Variants in CFAP410 observed in about 807,000 individuals in gnomAD.
CFAP410 encodes the protein cilia and flagella associated protein 410.
In CFAP410, 27 loss-of-function variants were observed where a neutral mutation model predicts 25.7. The observed-to-expected ratio is 1.05, with a 90% confidence interval of 0.77 to 1.45. The LOEUF (loss-of-function observed/expected upper bound fraction) is 1.45, where lower values mean the gene tolerates loss of function less well. Ranked by LOEUF, CFAP410 falls within the 40% of genes most tolerant of loss-of-function variation. The probability of loss-of-function intolerance (pLI) is 0.00; values close to 1 mark genes in which losing one functional copy is unlikely to be tolerated. For synonymous variants in CFAP410, 178 were observed against 158.4 expected, an observed-to-expected ratio of 1.12 and a Z score of -0.93; for missense variants, 428 against 354.1, an observed-to-expected ratio of 1.21 and a Z score of -1.67.
intron 5 of CFAP410, 127 bp downstream of exon 5, chr21:44,331,716 C>T (rs532057055): frequency 9.4e-6 from 8 of 849,522 alleles, no homozygotes; most frequent in Non-Finnish European, 1.1e-5. Context: ...AACAGACACT[C>T]CCCCCGGATA....
chr21:44,330,424 C>T (rs750677461), intron 6 of CFAP410, 98 bp from the exon 7 acceptor site: 13 of 1,552,410 alleles, frequency 8.4e-6, no homozygotes, highest in South Asian at 2.4e-5. Flanking sequence ...CACCACGGAG[C>T]GACTGGTCCC....
chr21:44,330,878 C>A lies in CFAP410; in HGVS notation c.587G>T (p.Arg196Leu). The change falls in exon 6 of 7, where the codon CGG (arginine) becomes CTG (leucine). Residue 196 changes from arginine to leucine, a missense_variant. By Grantham distance (102) the Arg-to-Leu change is moderately radical. Transcript: ENST00000339818. ...QDERGLKPPS[R>L]GQFPSLSARD... ...GGCTGAGAGGGAAGGAAACTGGCCC[C>A]GGGAAGGCGGCTTCAGGCCACGTTC... The A allele has an allele frequency of 6.2e-7, 1 of 1,603,536 alleles. No homozygotes were observed. The highest frequency in any genetic ancestry group is 8.5e-7 in the Non-Finnish European group (1 of 1,173,576).
At chr21:44,338,087 T>C in intron 1 of CFAP410, 1 of 330,602 alleles carries the variant, frequency 3.0e-6, no homozygotes, top group Non-Finnish European at 5.6e-6. Context: ...AGGGTTGTTG[T>C]TTCTCCCAGC....
chr21:44,330,562 G>A (rs748118167), intron 6 of CFAP410: 31 of 1,549,260 alleles, frequency 2.0e-5, no homozygotes, highest in South Asian at 7.1e-5. Flanking sequence ...AGCAGGGCCC[G>A]GGCCCACATT....
intron 5 of CFAP410, 64 bp downstream of exon 5, chr21:44,331,778 TC>T (rs758252505): frequency 8.5e-5 from 128 of 1,506,670 alleles, no homozygotes; most frequent in Middle Eastern, 4.7e-4. Flanking sequence ...CCCCATTCAC[TC>T]CCCGTGGGAG....
chr21:44,331,698 T>C (rs1568985828), intron 5 of CFAP410, 145 bp downstream of exon 5: 9 of 739,972 alleles, frequency 1.2e-5, no homozygotes, highest in South Asian at 3.9e-5. Context: ...CCAGAGAATA[T>C]GGATGAGAAC....
chr21:44,335,851 C>T (rs201127621), intron 2 of CFAP410, 47 bp from the exon 3 acceptor site: 54 of 1,412,712 alleles, frequency 3.8e-5, no homozygotes, highest in East Asian at 7.3e-5. Flanking sequence ...AGCAGGGCAT[C>T]GCGGCCGCAC....
At position 44,333,182 on chromosome 21, in the gene CFAP410, G is replaced by A. The variant is rs778987436; in HGVS notation, c.224C>T (p.Pro75Leu). 9.8e-5 allele frequency: 158 copies of A among 1,612,908 alleles called. 3 individuals carry two copies. In the Middle Eastern group the frequency reaches 1.3e-3, roughly 13 times the overall value. ...CAGGTAGAAGAGCTCAGCCAGGCTG[G>A]GGATGCGGTTCCTCCGCAGGTACAG... ...SELYLRRNRI[P>L]SLAELFYLKG... The change falls in exon 4 of 7, where the codon CCC becomes CTC. Residue 75 changes from proline (P) to leucine (L), a missense_variant. Pro to Leu is a moderately conservative substitution (Grantham distance 98). Coordinates refer to ENST00000339818, the MANE Select transcript of CFAP410 (RefSeq NM_004928.3).
chr21:44,339,194 TGGCGGCCGCCCAGGCCCGACC>T lies in CFAP410; in HGVS notation c.-21_-1del. On this transcript the variant is annotated 5_prime_UTR_variant, in exon 1 of 7. Transcript: ENST00000339818. Reference sequence around the variant, plus strand: ...AGAACCATCTTCCGCGTCAGCTTCATGGCGGCCGCCCAGGCCCGACCGGCGGGCGCCCCCGGCCTCCTGATC... The same window carrying T: ...AGAACCATCTTCCGCGTCAGCTTCATGGCGGGCGCCCCCGGCCTCCTGATC... 6.8e-7 allele frequency: 1 copy of T among 1,461,600 alleles called. No individual in the cohort carries two copies. The highest frequency in any genetic ancestry group is 9.1e-7 in the Non-Finnish European group (1 of 1,102,220). The allele number at this position is 1,461,600 out of a possible 1,614,324, so 90.5% of individuals were successfully genotyped here.
chr21:44,335,497 T>TGGGCAGGCGTACAGCA, intron 3 of CFAP410: 1 of 561,080 alleles, frequency 1.8e-6, no homozygotes. Flanking sequence ...AGGCCAAGGG[T>TGGGCAGGCGTACAGCA]GGGCAGGCGT....
At chr21:44,338,141 T>G in intron 1 of CFAP410, 1 of 530,274 alleles carries the variant, frequency 1.9e-6, no homozygotes, top group Non-Finnish European at 2.8e-6. Context: ...AAGAAATGCA[T>G]TATTGAAAGC....
intron 2 of CFAP410, 43 bp from the exon 3 acceptor site, chr21:44,335,847 G>A: frequency 6.7e-7 from 1 of 1,490,872 alleles, no homozygotes. Flanking sequence ...GCACAGCAGG[G>A]CATCGCGGCC....
In CFAP410 at chr21:44,330,173, C is replaced by T. The variant is rs950971137; in HGVS notation, c.*25G>A. 1 of 1,546,704 alleles carries T rather than the reference C, an allele frequency of 6.5e-7. No homozygotes were observed. ...GAAGACGCTGGGGTCCCCGTGGAGGCTGGAGCGGCGTTCAGGTCCTGCGGT... is the reference window on the plus strand; with the variant it reads ...GAAGACGCTGGGGTCCCCGTGGAGGTTGGAGCGGCGTTCAGGTCCTGCGGT... On this transcript the variant is annotated 3_prime_UTR_variant, in exon 7 of 7. Coordinates refer to ENST00000339818, the MANE Select transcript of CFAP410 (RefSeq NM_004928.3).
chr21:44,330,796 C>T (rs758455908), intron 6 of CFAP410, 27 bp downstream of exon 6: 15 of 1,566,854 alleles, frequency 9.6e-6, no homozygotes, highest in Admixed American at 7.5e-5. Flanking sequence ...CAGAGGCAGC[C>T]GCGGCCCCTA....
At chr21:44,336,888 C>G (rs2047766389) in intron 2 of CFAP410, 1 of 151,906 alleles carries the variant, frequency 6.6e-6, no homozygotes, top group Non-Finnish European at 1.5e-5. Context: ...GGTTTGAGAC[C>G]AGCCTGGCCG....
intron 5 of CFAP410, 128 bp downstream of exon 5, chr21:44,331,713 ACT>A: frequency 1.2e-6 from 1 of 832,740 alleles, no homozygotes; most frequent in Non-Finnish European, 1.8e-6. Flanking sequence ...GAGAACAGAC[ACT>A]CCCCCCGGAT....
At chr21:44,336,480 T>C (rs893504359) in intron 2 of CFAP410, among the ~76,000 whole-genome samples, 3 of 152,122 alleles carry the variant, frequency 2.0e-5, no homozygotes, top group Non-Finnish European at 2.9e-5. Flanking sequence ...TCAGATCACA[T>C]TGGTACTGTC....
Position 44,330,103 on chromosome 21 carries a change from G to C in CFAP410, c.*95C>G. Reference sequence around the variant, plus strand: ...ACCGGGGAGGCTTTTGTGTGGGGCCGGGGCTGCGGCCATGGCAGCCACCCT... The same window carrying C: ...ACCGGGGAGGCTTTTGTGTGGGGCCCGGGCTGCGGCCATGGCAGCCACCCT... On this transcript the variant is annotated 3_prime_UTR_variant, in exon 7 of 7. Coordinates refer to ENST00000339818, the MANE Select transcript of CFAP410 (RefSeq NM_004928.3). 1 of 1,388,630 alleles carries C rather than the reference G, an allele frequency of 7.2e-7. No homozygotes were observed. Among genetic ancestry groups the C allele is most frequent in the Non-Finnish European group, 9.7e-7 (1 of 1,027,744 alleles). The allele number at this position is 1,388,630 out of a possible 1,614,324, so 86.0% of individuals were successfully genotyped here.
chr21:44,333,262 A>G lies in CFAP410; in HGVS notation c.144T>C (p.Ser48=), dbSNP rs952792135. 2 of 1,609,032 alleles carry G rather than the reference A, an allele frequency of 1.2e-6. No homozygotes were observed. The highest frequency in any genetic ancestry group is 2.2e-5 in the East Asian group (1 of 44,688). Residue 48 remains serine (S), a splice_region_variant and synonymous_variant, in exon 4 of 7, where the codon AGT becomes AGC. Coordinates refer to ENST00000339818, the MANE Select transcript of CFAP410 (RefSeq NM_004928.3). The part of the protein sequence containing the change: ...EMPSLEVITL[S]VNSISTLEPV... ...GCTCCAGGGTGGAGATGCTGTTGAC[A>G]CTGCACGGAGACCAGCACAGTCAGC...
Sources: gnomAD v4.1 joint callset for allele counts (sites outside exome capture counted in the v4.1 genomes callset) on GRCh38, gnomAD v4.1.1 for gene constraint, MANE v1.5 for transcripts, NCBI Gene and HGNC (gene_info 2026-07-23, HGNC 2026-07-21) for gene names.